The following SLC67A2 variants were observed in gnomAD, a reference collection of about 807,000 sequenced individuals.
The protein encoded by SLC67A2 is solute carrier family 67 member 2.
chr2:102,736,177 T>C, the SLC67A2 span, among the ~76,000 whole-genome samples: 3 of 152,120 alleles, frequency 2.0e-5, no homozygotes, highest in Admixed American at 6.5e-5. Context: ...CCAAGAATCC[T>C]AGTGAAAATG....
chr2:102,719,792 G>GT, the SLC67A2 span, among the ~76,000 whole-genome samples: 1 of 152,202 alleles, frequency 6.6e-6, no homozygotes, highest in Non-Finnish European at 1.5e-5. Flanking sequence ...TGCCACATAT[G>GT]TGACAGCCTG....
the SLC67A2 span, chr2:102,724,033 A>G: frequency 7.5e-6 from 6 of 796,068 alleles, no homozygotes; most frequent in East Asian, 1.3e-4. Context: ...GAAGGCAGCT[A>G]TGCTCACCAC....
At chr2:102,729,670 G>T in the SLC67A2 span, among the ~76,000 whole-genome samples, 3 of 151,984 alleles carry the variant, frequency 2.0e-5, no homozygotes, top group East Asian at 1.9e-4. Context: ...AAATAATATG[G>T]GCTTAGAGTC....
the SLC67A2 span, chr2:102,718,770 T>C: frequency 6.2e-7 from 1 of 1,613,792 alleles, no homozygotes; most frequent in Non-Finnish European, 8.5e-7. Context: ...CAGGTGAGTA[T>C]GCTGGAATGC....
At chr2:102,732,446 A>AT in the SLC67A2 span, 1 of 1,530,316 alleles carries the variant, frequency 6.5e-7, no homozygotes, top group Non-Finnish European at 8.9e-7. Flanking sequence ...TCAAATTAGT[A>AT]TTTTTCAAAC....
the SLC67A2 span, among the ~76,000 whole-genome samples, chr2:102,733,135 A>C: frequency 3.3e-5 from 5 of 152,320 alleles, no homozygotes; most frequent in East Asian, 9.6e-4. Flanking sequence ...TCCCTTCTTC[A>C]GTTCTGGGGA....
At chr2:102,718,479 T>C in the SLC67A2 span, 2 of 1,614,110 alleles carry the variant, frequency 1.2e-6, no homozygotes, top group Non-Finnish European at 1.7e-6. Flanking sequence ...TTTAGAGACA[T>C]TATGAAAATG....
the SLC67A2 span, among the ~76,000 whole-genome samples, chr2:102,727,538 A>G: frequency 2.0e-5 from 3 of 152,208 alleles, no homozygotes; most frequent in Admixed American, 1.3e-4. Context: ...ATTCCACTAC[A>G]TACCAATATT....
the SLC67A2 span, among the ~76,000 whole-genome samples, chr2:102,728,117 G>A: frequency 6.6e-6 from 1 of 151,780 alleles, no homozygotes; most frequent in African/African-American, 2.4e-5. Flanking sequence ...GATGTTCTGG[G>A]TGAAGCAATG....
chr2:102,726,617 C>T, the SLC67A2 span, among the ~76,000 whole-genome samples: 4 of 151,958 alleles, frequency 2.6e-5, no homozygotes, highest in South Asian at 4.1e-4. Context: ...CACACATGCT[C>T]GCGCACGCAC....
the SLC67A2 span, chr2:102,718,234 G>A: frequency 2.1e-5 from 14 of 652,156 alleles, no homozygotes; most frequent in East Asian, 1.1e-4. Flanking sequence ...ATGAGGTGCC[G>A]TGACTTCTGA....
chr2:102,720,187 T>A, the SLC67A2 span, among the ~76,000 whole-genome samples: 1 of 152,210 alleles, frequency 6.6e-6, no homozygotes, highest in East Asian at 1.9e-4. Flanking sequence ...TGCTGCTTCA[T>A]GTTGTTTTCA....
At chr2:102,724,419 T>C in the SLC67A2 span, among the ~76,000 whole-genome samples, 2 of 152,190 alleles carry the variant, frequency 1.3e-5, no homozygotes, top group African/African-American at 2.4e-5. Flanking sequence ...GCACCATCAC[T>C]GAACCAATAC....
the SLC67A2 span, chr2:102,719,026 G>A: frequency 1.2e-6 from 2 of 1,614,210 alleles, no homozygotes; most frequent in South Asian, 2.2e-5. Flanking sequence ...TGTTCCGCAA[G>A]GCCAACACTA....
At chr2:102,732,484 T>G in the SLC67A2 span, 17 of 1,211,020 alleles carry the variant, frequency 1.4e-5, no homozygotes, top group Non-Finnish European at 1.9e-5. Context: ...TAAACTAATT[T>G]AAAAAATAAA....
At chr2:102,719,818 TG>T in the SLC67A2 span, among the ~76,000 whole-genome samples, 1 of 152,160 alleles carries the variant, frequency 6.6e-6, no homozygotes, top group Non-Finnish European at 1.5e-5. Flanking sequence ...GCTTGACCGA[TG>T]GGCAGGGACA....
chr2:102,736,529 C>A, the SLC67A2 span: 3 of 1,601,246 alleles, frequency 1.9e-6, no homozygotes, highest in Non-Finnish European at 2.6e-6. Context: ...GAGGCACTCA[C>A]CAGGCGGACT....
At chr2:102,724,231 G>C in the SLC67A2 span, among the ~76,000 whole-genome samples, 8 of 152,126 alleles carry the variant, frequency 5.3e-5, 1 homozygote, top group African/African-American at 1.9e-4. Flanking sequence ...TCCCAGTTAC[G>C]CTTGCATTTC....
chr2:102,719,345 T>C, the SLC67A2 span: 1 of 852,576 alleles, frequency 1.2e-6, no homozygotes, highest in South Asian at 1.8e-5. Context: ...TGTATTTTTG[T>C]ATCTAGTCTT....
Sources: allele counts gnomAD v4.1 joint callset (sites outside exome capture counted in the v4.1 genomes callset), GRCh38; gene constraint gnomAD v4.1.1; transcripts MANE v1.5; gene names NCBI Gene and HGNC (gene_info 2026-07-23, HGNC 2026-07-21).